The following DCBLD1 variants were observed in gnomAD, a reference collection of about 807,000 sequenced individuals.
DCBLD1 encodes discoidin, CUB and LCCL domain-containing protein 1.
A neutral mutation model predicts 71.5 loss-of-function variants in DCBLD1; 57 were observed. The ratio of observed to expected loss-of-function variants is 0.80; its 90% CI spans 0.64 to 0.99. The LOEUF is 0.99. Ranked by LOEUF, DCBLD1 falls within the 50% of genes least tolerant of loss-of-function variation. The probability of loss-of-function intolerance (pLI) is 0.00; values close to 1 mark genes in which losing one functional copy is unlikely to be tolerated. For missense variants in DCBLD1, 891 were observed against 923.5 expected, an observed-to-expected ratio of 0.96 and a Z score of 0.46; for synonymous variants, 380 against 363.8, an observed-to-expected ratio of 1.04 and a Z score of -0.51.
chr6:117,563,515 G>A, intron 14 of DCBLD1: 4 of 766,286 alleles, frequency 5.2e-6, no homozygotes, highest in Admixed American at 2.3e-5. Flanking sequence ...TGAGGTTAGG[G>A]GTTCGAGACC....
intron 6 of DCBLD1, among the ~76,000 whole-genome samples, chr6:117,536,292 C>G (rs967013438): frequency 1.1e-4 from 16 of 152,156 alleles, no homozygotes; most frequent in African/African-American, 3.6e-4. Context: ...TGGTGTTTAC[C>G]TCTAGTATCT....
At chr6:117,501,188 C>G (rs1275957362) in intron 1 of DCBLD1, among the ~76,000 whole-genome samples, 1 of 152,060 alleles carries the variant, frequency 6.6e-6, no homozygotes, top group African/African-American at 2.4e-5. Flanking sequence ...AAAATAAATG[C>G]TTACAAAGGT....
In DCBLD1 at chr6:117,516,220, G is replaced by A. The variant is rs1778192304; in HGVS notation, c.326-3596G>A. Among the ~76,000 whole-genome samples the A allele has an allele frequency of 2.0e-5, 3 of 151,710 alleles. No homozygotes were observed. In the South Asian group the frequency reaches 6.3e-4, roughly 32 times the overall value. On this transcript the variant is annotated intron_variant, in intron 2 of 14. Coordinates refer to ENST00000338728, the MANE Select transcript of DCBLD1 (RefSeq NM_001366458.2). ...AAAAAAAATACAAAAAATTAGCCAG[G>A]CGTGGTGGTGGGTGCCTGTAGTCCC...
In DCBLD1 at chr6:117,527,542, C is replaced by T. The variant is rs187739004; in HGVS notation, c.585+2108C>T. 2.5e-3 allele frequency among the ~76,000 whole-genome samples: 386 copies of T among 152,268 alleles called. 10 individuals carry two copies. The highest frequency in any genetic ancestry group is 5.1e-4 in the Non-Finnish European group (35 of 68,018). Reference sequence around the variant, plus strand: ...TCTTACAGAGCTATTATAGAAAAGGCATTGGTTTATTCTGTGTTGCTCCAA... The same window carrying T: ...TCTTACAGAGCTATTATAGAAAAGGTATTGGTTTATTCTGTGTTGCTCCAA... On this transcript the variant is annotated intron_variant, in intron 5 of 14. Coordinates refer to ENST00000338728, the MANE Select transcript of DCBLD1 (RefSeq NM_001366458.2).
chr6:117,537,473 G>A (rs1251858202), intron 7 of DCBLD1, among the ~76,000 whole-genome samples: 2 of 151,216 alleles, frequency 1.3e-5, no homozygotes, highest in East Asian at 2.0e-4. Flanking sequence ...GGCGGAGCTT[G>A]CAGTGAGCTG....
intron 4 of DCBLD1, among the ~76,000 whole-genome samples, chr6:117,522,704 G>A (rs1289767051): frequency 6.6e-6 from 1 of 152,176 alleles, no homozygotes; most frequent in Non-Finnish European, 1.5e-5. Context: ...GATTACAAGT[G>A]TGAATCATGG....
At chr6:117,558,141 G>A (rs537691661) in intron 14 of DCBLD1, among the ~76,000 whole-genome samples, 2 of 152,318 alleles carry the variant, frequency 1.3e-5, no homozygotes, top group South Asian at 2.1e-4. Flanking sequence ...CCTCACCAGG[G>A]CCTTGACTTT....
At chr6:117,547,142 C>T (rs1168823791) in intron 14 of DCBLD1, among the ~76,000 whole-genome samples, 2 of 152,208 alleles carry the variant, frequency 1.3e-5, no homozygotes, top group Non-Finnish European at 2.9e-5. Context: ...TCCACAGTTA[C>T]CTCTGAAAGT....
downstream of DCBLD1, among the ~76,000 whole-genome samples, chr6:117,551,122 A>G (rs990224725): frequency 6.6e-6 from 1 of 152,078 alleles, no homozygotes; most frequent in African/African-American, 2.4e-5. Flanking sequence ...AAATTCCCCT[A>G]GGGGCTTTAA....
At chr6:117,521,417 T>A (rs1004135635) in intron 3 of DCBLD1, 108 bp from the exon 4 acceptor site, 5 of 902,062 alleles carry the variant, frequency 5.5e-6, no homozygotes, top group Non-Finnish European at 8.2e-6. Flanking sequence ...AACTACATAG[T>A]GAATAAATGC....
intron 4 of DCBLD1, among the ~76,000 whole-genome samples, chr6:117,522,283 A>C (rs1197298052): frequency 6.6e-6 from 1 of 152,170 alleles, no homozygotes; most frequent in East Asian, 1.9e-4. Flanking sequence ...TTAGATACTT[A>C]GCAGCATCCC....
At chr6:117,529,791 TAAAAG>T (rs1778656541) in intron 5 of DCBLD1, among the ~76,000 whole-genome samples, 1 of 152,156 alleles carries the variant, frequency 6.6e-6, no homozygotes, top group Non-Finnish European at 1.5e-5. Flanking sequence ...CAATTAATAT[TAAAAG>T]AAATGGCAAA....
intron 14 of DCBLD1, among the ~76,000 whole-genome samples, chr6:117,564,046 C>T (rs556083919): frequency 3.3e-4 from 49 of 150,718 alleles, no homozygotes; most frequent in Non-Finnish European, 5.3e-4. Context: ...GGCATGATTA[C>T]GGCTCACTGC....
At chr6:117,556,903 A>G (rs770596126) in intron 14 of DCBLD1, among the ~76,000 whole-genome samples, 5 of 152,150 alleles carry the variant, frequency 3.3e-5, no homozygotes, top group Middle Eastern at 3.4e-3. Flanking sequence ...CTTTTTAATA[A>G]TGGCCATTCT....
intron 14 of DCBLD1, among the ~76,000 whole-genome samples, chr6:117,546,699 C>G (rs1779276663): frequency 6.6e-6 from 1 of 152,162 alleles, no homozygotes; most frequent in Non-Finnish European, 1.5e-5. Flanking sequence ...CCCCCACTCA[C>G]CACAGTCTCT....
intron 14 of DCBLD1, 41 bp downstream of exon 14, chr6:117,545,638 G>A (rs928981671): frequency 1.3e-6 from 2 of 1,585,436 alleles, no homozygotes; most frequent in South Asian, 2.3e-5. Context: ...TAGATTGGAG[G>A]TGCTGCTTGT....
At chr6:117,566,242 GT>G (rs1335703906) in intron 14 of DCBLD1, among the ~76,000 whole-genome samples, 1 of 152,114 alleles carries the variant, frequency 6.6e-6, no homozygotes, top group Non-Finnish European at 1.5e-5. Flanking sequence ...TGATGTCTTA[GT>G]ATTATTATGA....
Position 117,537,200 on chromosome 6 carries a change from C to T in DCBLD1, c.735C>T (p.Asp245=), listed in dbSNP as rs1562456683. Residue 245 remains aspartate (D), a synonymous_variant, in exon 7 of 15, where the codon GAC becomes GAT. Coordinates refer to ENST00000338728, the MANE Select transcript of DCBLD1 (RefSeq NM_001366458.2). ...GVLSRDGSLS[D]KRFLFTSNGC... is the part of the protein sequence containing the mutation. ...ATTGTTTCAGTGGTTCCCTGTCAGACAAGCGATTTCTGTTTACCTCCAATG... is the reference window on the plus strand; with the variant it reads ...ATTGTTTCAGTGGTTCCCTGTCAGATAAGCGATTTCTGTTTACCTCCAATG... 6.2e-7 allele frequency: 1 copy of T among 1,614,074 alleles called. No homozygotes were observed. Among genetic ancestry groups the T allele is most frequent in the Non-Finnish European group, 8.5e-7 (1 of 1,179,980 alleles).
At chr6:117,553,434 T>C (rs965736336), downstream of DCBLD1, among the ~76,000 whole-genome samples, 1 of 152,170 alleles carries the variant, frequency 6.6e-6, no homozygotes, top group Non-Finnish European at 1.5e-5. Context: ...GCTCCTATTA[T>C]CCCTTTTTCC....
Sources: gnomAD v4.1 joint callset for allele counts (sites outside exome capture counted in the v4.1 genomes callset) on GRCh38, gnomAD v4.1.1 for gene constraint, MANE v1.5 for transcripts, NCBI Gene and HGNC (gene_info 2026-07-23, HGNC 2026-07-21) for gene names.